Variants in ST6GALNAC5 observed in about 807,000 individuals in gnomAD.
The protein encoded by ST6GALNAC5 is ST6 N-acetylgalactosaminide alpha-2,6-sialyltransferase 5, also known as alpha-N-acetylgalactosaminide alpha-2,6-sialyltransferase 5.
Under a neutral mutation model 33.6 loss-of-function variants are expected in ST6GALNAC5, and 27 were observed. The observed-to-expected ratio is 0.80, with a 90% CI of 0.59 to 1.11. The LOEUF is 1.11. ST6GALNAC5 is among the 50% of genes least tolerant of loss of function. The probability of loss-of-function intolerance (pLI) is 0.00; values close to 1 mark genes in which losing one functional copy is unlikely to be tolerated. For missense variants in ST6GALNAC5, 428 were observed against 454.0 expected (o/e 0.94, Z 0.52); for synonymous variants, 194 against 171.2 (o/e 1.13, Z -1.04).
intron 2 of ST6GALNAC5, among the ~76,000 whole-genome samples, chr1:76,871,089 T>C (rs1306357807): frequency 1.3e-5 from 2 of 152,254 alleles, no homozygotes; most frequent in Non-Finnish European, 2.9e-5. Context: ...CCTGTTTAAT[T>C]AGGTTTATTT....
At chr1:76,938,059 C>T (rs1029840247) in intron 2 of ST6GALNAC5, among the ~76,000 whole-genome samples, 2 of 151,842 alleles carry the variant, frequency 1.3e-5, no homozygotes, top group East Asian at 1.9e-4. Context: ...GAAAGAGCAT[C>T]GAGAAGAAAA....
At chr1:76,953,441 C>A (rs375790694) in intron 2 of ST6GALNAC5, among the ~76,000 whole-genome samples, 1 of 152,090 alleles carries the variant, frequency 6.6e-6, no homozygotes, top group East Asian at 1.9e-4. Context: ...CGTTGGACAT[C>A]TTTTTATGTG....
intron 2 of ST6GALNAC5, among the ~76,000 whole-genome samples, chr1:76,927,535 G>C (rs1267017482): frequency 6.6e-6 from 1 of 152,028 alleles, no homozygotes; most frequent in Non-Finnish European, 1.5e-5. Flanking sequence ...AAAATGAAGA[G>C]AGGCATGTTA....
intron 2 of ST6GALNAC5, among the ~76,000 whole-genome samples, chr1:76,910,566 T>C (rs1646901256): frequency 1.3e-5 from 2 of 152,106 alleles, no homozygotes; most frequent in Admixed American, 1.3e-4. Flanking sequence ...ATCAGTTTGA[T>C]GACTGCTCAA....
chr1:76,964,649 T>C (rs1389301272), intron 2 of ST6GALNAC5, among the ~76,000 whole-genome samples: 2 of 152,234 alleles, frequency 1.3e-5, no homozygotes, highest in African/African-American at 4.8e-5. Context: ...AGGGTACATG[T>C]GCACAATGTG....
intron 2 of ST6GALNAC5, among the ~76,000 whole-genome samples, chr1:76,887,394 C>CTGTTTT (rs1249041764): frequency 1.3e-5 from 2 of 152,062 alleles, no homozygotes; most frequent in African/African-American, 2.4e-5. Flanking sequence ...AAGTCTAAGT[C>CTGTTTT]TGTTTTTGTT....
chr1:77,024,995 GCTCT>G (rs747243122), intron 2 of ST6GALNAC5, among the ~76,000 whole-genome samples: 1 of 151,974 alleles, frequency 6.6e-6, no homozygotes, highest in Non-Finnish European at 1.5e-5. Context: ...CCCGCTCCAG[GCTCT>G]CTCTCTGTCT....
At chr1:77,005,165 C>T (rs1650347398) in intron 2 of ST6GALNAC5, among the ~76,000 whole-genome samples, 1 of 152,252 alleles carries the variant, frequency 6.6e-6, no homozygotes. Flanking sequence ...TAGTACCCTC[C>T]AAGCCAGGTG....
At chr1:76,900,670 T>C (rs1006571304) in intron 2 of ST6GALNAC5, among the ~76,000 whole-genome samples, 1 of 152,208 alleles carries the variant, frequency 6.6e-6, no homozygotes, top group African/African-American at 2.4e-5. Context: ...TCAATCTCAT[T>C]TGAAAAGTGA....
chr1:76,893,139 C>G (rs1022547060), intron 2 of ST6GALNAC5, among the ~76,000 whole-genome samples: 1 of 152,170 alleles, frequency 6.6e-6, no homozygotes, highest in African/African-American at 2.4e-5. Flanking sequence ...CTGCCCCCAA[C>G]AACTGTGTAA....
chr1:76,895,000 C>T (rs1654095498), intron 2 of ST6GALNAC5, among the ~76,000 whole-genome samples: 1 of 151,800 alleles, frequency 6.6e-6, no homozygotes, highest in Admixed American at 6.6e-5. Flanking sequence ...CTCTGGCGGG[C>T]AGAGTGGGGG....
At chr1:76,913,525 G>C (rs1646935961) in intron 2 of ST6GALNAC5, among the ~76,000 whole-genome samples, 1 of 152,088 alleles carries the variant, frequency 6.6e-6, no homozygotes, top group Non-Finnish European at 1.5e-5. Context: ...TTCCAACTTG[G>C]TTCCATTCTC....
chr1:76,960,386 A>G (rs1003072881), intron 2 of ST6GALNAC5, among the ~76,000 whole-genome samples: 2 of 152,180 alleles, frequency 1.3e-5, no homozygotes, highest in East Asian at 3.9e-4. Context: ...ACAAGGTAAT[A>G]GAATATCACA....
At position 76,895,746 on chromosome 1, in the gene ST6GALNAC5, A is replaced by G. The variant is rs1049465695; in HGVS notation, c.261+27004A>G. ...GCAGGGCATGTATGAGTAGTTGAGAACGGTGAATAGGAGTATGACTAGACA... is the reference window on the plus strand; with the variant it reads ...GCAGGGCATGTATGAGTAGTTGAGAGCGGTGAATAGGAGTATGACTAGACA... On this transcript the variant is annotated intron_variant, in intron 2 of 4. Transcript: ENST00000477717. Among the ~76,000 whole-genome samples the G allele has an allele frequency of 3.1e-4, 47 of 152,294 alleles. 1 individual carries two copies. The highest frequency in any genetic ancestry group is 1.1e-3 in the African/African-American group (47 of 41,572).
At chr1:77,036,779 G>A (rs1258325754) in intron 2 of ST6GALNAC5, among the ~76,000 whole-genome samples, 2 of 152,250 alleles carry the variant, frequency 1.3e-5, no homozygotes, top group Non-Finnish European at 2.9e-5. Context: ...CCTTGGTGCT[G>A]AAGATACTGT....
chr1:77,016,226 TC>T (rs1182437728), intron 2 of ST6GALNAC5, among the ~76,000 whole-genome samples: 2 of 67,190 alleles, frequency 3.0e-5, no homozygotes, highest in South Asian at 7.3e-4. Context: ...CTGTATCTCC[TC>T]CCCCTCCTCC....
chr1:76,994,031 C>A (rs1247415412), intron 2 of ST6GALNAC5, among the ~76,000 whole-genome samples: 1 of 152,030 alleles, frequency 6.6e-6, no homozygotes, highest in Non-Finnish European at 1.5e-5. Flanking sequence ...GTGAAATATC[C>A]AAACAACTAC....
intron 2 of ST6GALNAC5, among the ~76,000 whole-genome samples, chr1:76,997,745 T>A (rs1044456622): frequency 2.6e-5 from 4 of 152,220 alleles, no homozygotes; most frequent in African/African-American, 9.7e-5. Context: ...ACACCTGTAA[T>A]CTCAATGCTT....
intron 2 of ST6GALNAC5, among the ~76,000 whole-genome samples, chr1:76,991,839 G>A (rs541196079): frequency 9.0e-4 from 134 of 149,456 alleles, no homozygotes; most frequent in African/African-American, 2.7e-3. Flanking sequence ...ACGCGTGTGC[G>A]CACACACACA....
Sources: gnomAD v4.1 joint callset for allele counts (sites outside exome capture counted in the v4.1 genomes callset) on GRCh38, gnomAD v4.1.1 for gene constraint, MANE v1.5 for transcripts, NCBI Gene and HGNC (gene_info 2026-07-23, HGNC 2026-07-21) for gene names.